HS3ST3A1: variants seen among roughly 807,000 people sequenced by gnomAD.
HS3ST3A1 encodes heparan sulfate-glucosamine 3-sulfotransferase 3A1, also known as heparan sulfate glucosamine 3-O-sulfotransferase 3A1.
In HS3ST3A1, 19 loss-of-function variants were observed where a neutral mutation model predicts 25.7. The observed-to-expected ratio is 0.74, with a 90% confidence interval of 0.52 to 1.08. The LOEUF is 1.08. Ranked by LOEUF, HS3ST3A1 falls within the 50% of genes least tolerant of loss-of-function variation. The pLI is 0.00. For synonymous variants in HS3ST3A1, 226 were observed against 278.6 expected (o/e 0.81, Z 1.88); for missense variants, 459 against 594.3 (o/e 0.77, Z 2.37).
chr17:13,573,255 G>T (rs776632321), intron 1 of HS3ST3A1, among the ~76,000 whole-genome samples: 2 of 152,082 alleles, frequency 1.3e-5, no homozygotes, highest in Non-Finnish European at 2.9e-5. Flanking sequence ...CCACAGGAAG[G>T]CTTCTTCCAA....
At chr17:13,590,056 A>C (rs1386991777) in intron 1 of HS3ST3A1, among the ~76,000 whole-genome samples, 1 of 152,338 alleles carries the variant, frequency 6.6e-6, no homozygotes, top group East Asian at 1.9e-4. Flanking sequence ...TTGATTGATT[A>C]CTTCCTACTC....
At chr17:13,509,275 C>G (rs1905784337) in intron 1 of HS3ST3A1, among the ~76,000 whole-genome samples, 1 of 152,074 alleles carries the variant, frequency 6.6e-6, no homozygotes, top group Admixed American at 6.6e-5. Context: ...ATGACATTTT[C>G]AGATATGCAA....
intron 1 of HS3ST3A1, among the ~76,000 whole-genome samples, chr17:13,527,462 C>A (rs1191377890): frequency 6.6e-6 from 1 of 152,080 alleles, no homozygotes; most frequent in Non-Finnish European, 1.5e-5. Flanking sequence ...CCCTCAGGAC[C>A]AAGAAGACAG....
intron 1 of HS3ST3A1, among the ~76,000 whole-genome samples, chr17:13,579,135 C>A (rs1351654357): frequency 1.3e-5 from 2 of 152,086 alleles, no homozygotes; most frequent in Admixed American, 6.5e-5. Context: ...GTTTCAGCAT[C>A]ATAAAGATGT....
chr17:13,577,610 T>C (rs1407435008), intron 1 of HS3ST3A1, among the ~76,000 whole-genome samples: 2 of 152,278 alleles, frequency 1.3e-5, no homozygotes, highest in Admixed American at 6.5e-5. Flanking sequence ...ATAATACAAC[T>C]GTAGGCTTGG....
At position 13,579,701 on chromosome 17, in the gene HS3ST3A1, CAAAAAAAAAAAAAA is replaced by C. The variant is rs543748713; in HGVS notation, c.599+20816_599+20829del. ...GGGTGACAGAGCCAGACTCCATCTC[CAAAAAAAAAAAAAA>C]AAAAAAAAAAAAATCATAAGAAATT... On this transcript the variant is annotated intron_variant, in intron 1 of 1. Transcript: ENST00000284110. Among the ~76,000 whole-genome samples, 4 of 23,664 alleles carry C rather than the reference CAAAAAAAAAAAAAA, an allele frequency of 1.7e-4. 1 individual carries two copies. Among genetic ancestry groups the C allele is most frequent in the South Asian group, 1.6e-3 (2 of 1,244 alleles). 15.5% of individuals were successfully genotyped at this position (23,664 alleles called of 152,430 possible).
chr17:13,577,584 A>T (rs981527804), intron 1 of HS3ST3A1, among the ~76,000 whole-genome samples: 1 of 152,218 alleles, frequency 6.6e-6, no homozygotes, highest in Non-Finnish European at 1.5e-5. Flanking sequence ...ATAATCCAGG[A>T]CAGAATACAT....
chr17:13,591,310 G>A (rs929737719), intron 1 of HS3ST3A1, among the ~76,000 whole-genome samples: 14 of 151,926 alleles, frequency 9.2e-5, no homozygotes, highest in African/African-American at 3.4e-4. Context: ...GCCTCCCAAA[G>A]TGCTGGGATT....
intron 1 of HS3ST3A1, among the ~76,000 whole-genome samples, chr17:13,539,873 C>T (rs1906879770): frequency 6.6e-6 from 1 of 152,180 alleles, no homozygotes; most frequent in East Asian, 1.9e-4. Flanking sequence ...CTTCTTTACT[C>T]ATTTTAGAAG....
chr17:13,505,486 T>C (rs771380058), intron 1 of HS3ST3A1, among the ~76,000 whole-genome samples: 8 of 152,038 alleles, frequency 5.3e-5, no homozygotes, highest in African/African-American at 1.9e-4. Context: ...TTTAATACTT[T>C]AGGGGGCTCT....
intron 1 of HS3ST3A1, among the ~76,000 whole-genome samples, chr17:13,519,295 G>T (rs1233364911): frequency 6.6e-6 from 1 of 152,214 alleles, no homozygotes; most frequent in African/African-American, 2.4e-5. Context: ...GTTCTAAAAA[G>T]TTTGAGAATA....
intron 1 of HS3ST3A1, among the ~76,000 whole-genome samples, chr17:13,585,881 G>T (rs1362452837): frequency 8.6e-6 from 1 of 116,428 alleles, no homozygotes; most frequent in East Asian, 2.7e-4. Context: ...ACAGAGTCTC[G>T]CTCTGTCGCC....
intron 1 of HS3ST3A1, among the ~76,000 whole-genome samples, chr17:13,531,429 T>C (rs1250491831): frequency 6.6e-6 from 1 of 152,138 alleles, no homozygotes; most frequent in Non-Finnish European, 1.5e-5. Context: ...TCCCGATATC[T>C]GAGTGAGAAA....
intron 1 of HS3ST3A1, among the ~76,000 whole-genome samples, chr17:13,524,416 C>A (rs982691512): frequency 6.6e-6 from 1 of 152,104 alleles, no homozygotes; most frequent in African/African-American, 2.4e-5. Flanking sequence ...CACTACCACA[C>A]CCGGCTAATT....
chr17:13,499,823 T>C (rs1905407560), intron 1 of HS3ST3A1, among the ~76,000 whole-genome samples: 1 of 152,220 alleles, frequency 6.6e-6, no homozygotes, highest in African/African-American at 2.4e-5. Context: ...CATTCATTAC[T>C]GTCATTTGCA....
At chr17:13,585,867 T>C (rs1473942254) in intron 1 of HS3ST3A1, among the ~76,000 whole-genome samples, 6 of 130,682 alleles carry the variant, frequency 4.6e-5, no homozygotes, top group African/African-American at 1.6e-4. Flanking sequence ...TTTTTTTTTT[T>C]CTGACAGAGT....
At chr17:13,515,718 A>G (rs552403368) in intron 1 of HS3ST3A1, among the ~76,000 whole-genome samples, 3 of 152,220 alleles carry the variant, frequency 2.0e-5, no homozygotes, top group African/African-American at 7.2e-5. Context: ...GTAACTGCCA[A>G]ACTGTTTTAA....
At chr17:13,598,491 C>A (rs1159996741) in intron 1 of HS3ST3A1, among the ~76,000 whole-genome samples, 1 of 152,158 alleles carries the variant, frequency 6.6e-6, no homozygotes, top group Non-Finnish European at 1.5e-5. Flanking sequence ...ATTGCTCCAA[C>A]ACTTAGAAAA....
chr17:13,548,148 A>G (rs1393633159), intron 1 of HS3ST3A1, among the ~76,000 whole-genome samples: 3 of 152,154 alleles, frequency 2.0e-5, no homozygotes, highest in South Asian at 2.1e-4. Context: ...TTGGGTAGCT[A>G]TAACAAAATA....
Sources: gnomAD v4.1 joint callset for allele counts (sites outside exome capture counted in the v4.1 genomes callset) on GRCh38, gnomAD v4.1.1 for gene constraint, MANE v1.5 for transcripts, NCBI Gene and HGNC (gene_info 2026-07-23, HGNC 2026-07-21) for gene names.